Variants in ICAM4 observed in about 807,000 individuals in gnomAD.
ICAM4 encodes intercellular adhesion molecule 4 (Landsteiner-Wiener blood group).
A neutral mutation model predicts 18.8 loss-of-function variants in ICAM4; 16 were observed. The observed-to-expected ratio is 0.85, with a 90% CI of 0.58 to 1.29. ICAM4 has a LOEUF of 1.29. Ranked by LOEUF, ICAM4 falls within the 50% of genes most tolerant of loss-of-function variation. The pLI is 0.00. For missense variants in ICAM4, 338 were observed against 364.3 expected (o/e 0.93, Z 0.59); for synonymous variants, 163 against 163.2 (o/e 1.00, Z 0.01).
Position 10,287,487 on chromosome 19 carries a change from C to A in ICAM4, c.395-49C>A. The A allele has an allele frequency of 6.3e-7, 1 of 1,598,728 alleles. No individual in the cohort carries two copies. Among genetic ancestry groups the A allele is most frequent in the South Asian group, 1.1e-5 (1 of 88,880 alleles). On this transcript the variant is annotated intron_variant, in intron 1 of 2. Transcript: ENST00000380770. The surrounding 1 kb of genome is among the most constrained non-coding windows in gnomAD (Gnocchi z 8.7). ...GGGGGAAGGGTAGTTGACAGTCGCT[C>A]TATAGGGAGCGCCCGCGGACCTCAC...
rs1446804599 is a variant in ICAM4, at chr19:10,287,162, G to T, written c.150G>T (p.Val50=). ...CCGGGACCTCAGTGCCCTTCTGGGTGCGCATGAGCCCGGAGTTCGTGGCTG... is the reference window on the plus strand; with the variant it reads ...CCGGGACCTCAGTGCCCTTCTGGGTTCGCATGAGCCCGGAGTTCGTGGCTG... ...APSGTSVPFW[V]RMSPEFVAVQ... The change falls in exon 1 of 3, where the codon GTG becomes GTT. Residue 50 remains valine, a synonymous_variant. Transcript: ENST00000380770. This position sits in a 1 kb window ranked among gnomAD's most constrained non-coding sequence, Gnocchi z 8.7. 1 of 1,611,456 alleles carries T rather than the reference G, an allele frequency of 6.2e-7. No individual in the cohort carries two copies. The highest frequency in any genetic ancestry group is 1.7e-5 in the Admixed American group (1 of 59,870).
In ICAM4 at chr19:10,288,072, T is replaced by A; in HGVS notation, c.784T>A (p.Cys262Ser). 6.2e-7 allele frequency: 1 copy of A among 1,614,138 alleles called. No individual in the cohort carries two copies. The highest frequency in any genetic ancestry group is 8.5e-7 in the Non-Finnish European group (1 of 1,180,002). The change falls in exon 3 of 3, where the codon TGC (cysteine) becomes AGC (serine). Residue 262 changes from cysteine to serine, a missense_variant. Transcript: ENST00000380770. ...ILLTVGAAYLCKCLAMKSQA is the reference protein window; with the variant it reads ...ILLTVGAAYLSKCLAMKSQA Reference sequence around the variant, plus strand: ...CCTCACTGTGGGCGCTGCGTACCTATGCAAGTGCCTAGCTATGAAGTCCCA... The same window carrying A: ...CCTCACTGTGGGCGCTGCGTACCTAAGCAAGTGCCTAGCTATGAAGTCCCA...
Position 10,286,977 on chromosome 19 carries a change from C to T in ICAM4, c.-36C>T. 2 of 1,476,396 alleles carry T rather than the reference C, an allele frequency of 1.4e-6. No homozygotes were observed. Among genetic ancestry groups the T allele is most frequent in the Non-Finnish European group, 1.8e-6 (2 of 1,120,420 alleles). 91.5% of individuals were successfully genotyped at this position (1,476,396 alleles called of 1,614,324 possible). A position where few individuals can be genotyped will look rare whatever the true frequency, so the allele number is the denominator to read the frequency against. On this transcript the variant is annotated 5_prime_UTR_variant, in exon 1 of 3. Coordinates refer to ENST00000380770, the MANE Select transcript of ICAM4 (RefSeq NM_001544.5). ...CTTATCTCTAGAGCCGGCCCTGGCT[C>T]TCTGGCGCGGGGCCCCTTAGTCCGG...
Position 10,287,263 on chromosome 19 carries a change from C to T in ICAM4, c.251C>T (p.Pro84Leu), listed in dbSNP as rs773634559. 2.5e-6 allele frequency: 4 copies of T among 1,613,672 alleles called. No individual in the cohort carries two copies. Among genetic ancestry groups the T allele is most frequent in the Non-Finnish European group, 3.4e-6 (4 of 1,180,008 alleles). Residue 84 changes from proline (P) to leucine (L), a missense_variant, in exon 1 of 3, where the codon CCG (proline) becomes CTG (leucine). Pro to Leu is a moderately conservative substitution (Grantham distance 98, BLOSUM62 -3). Transcript: ENST00000380770. The surrounding 1 kb of genome is among the most constrained non-coding windows in gnomAD (Gnocchi z 8.7). Reference protein sequence around the residue: ...PQPQNSSLRTPLRQGKTLRGP... With the variant: ...PQPQNSSLRTLLRQGKTLRGP... ...CCGCAGAATTCCAGCCTCCGCACCC[C>T]GCTGCGGCAAGGCAAGACGCTCAGA...
Position 10,287,516 on chromosome 19 carries a change from G to A in ICAM4, c.395-20G>A. 1.2e-6 allele frequency: 2 copies of A among 1,607,712 alleles called. No individual in the cohort carries two copies. Among genetic ancestry groups the A allele is most frequent in the South Asian group, 1.1e-5 (1 of 90,804 alleles). On this transcript the variant is annotated intron_variant, in intron 1 of 2. Coordinates refer to ENST00000380770, the MANE Select transcript of ICAM4 (RefSeq NM_001544.5). The surrounding 1 kb of genome is among the most constrained non-coding windows in gnomAD (Gnocchi z 8.7). ...AGGGAGCGCCCGCGGACCTCACTCA[G>A]AGGCTCCCCCTTGCCTTAGAACCGC...
rs746661996 is a variant in ICAM4, at chr19:10,287,377, G to A, written c.365G>A (p.Arg122His). The change falls in exon 1 of 3, where the codon CGC (arginine) becomes CAC (histidine). Residue 122 changes from arginine (R) to histidine (H), a missense_variant. By Grantham distance (29) the Arg-to-His change is conservative (BLOSUM62 0). Transcript: ENST00000380770. The surrounding 1 kb of genome is among the most constrained non-coding windows in gnomAD (Gnocchi z 8.7). ...CTCGTGACCTGCGCAGGAAAAACAC[G>A]CTGGGCCACCTCCAGGATCACCGCC... ...HCLVTCAGKT[R>H]WATSRITAYK... The A allele has an allele frequency of 6.2e-7, 1 of 1,608,022 alleles. No homozygotes were observed. The highest frequency in any genetic ancestry group is 8.5e-7 in the Non-Finnish European group (1 of 1,177,410).
Position 10,287,997 on chromosome 19 carries a change from G to A in ICAM4, c.709G>A (p.Ala237Thr), listed in dbSNP as rs750159706. The A allele has an allele frequency of 5.0e-6, 8 of 1,614,020 alleles. No homozygotes were observed. The East Asian group carries it at 1.3e-4, about 27-fold the overall frequency. Residue 237 changes from alanine (A) to threonine (T), a missense_variant, in exon 3 of 3, where the codon GCG becomes ACG. Physicochemically the swap from Ala to Thr is moderately conservative, Grantham distance 58 (BLOSUM62 0). Coordinates refer to ENST00000380770, the MANE Select transcript of ICAM4 (RefSeq NM_001544.5). This position sits in a 1 kb window ranked among gnomAD's most constrained non-coding sequence, Gnocchi z 8.7. ...PITLMLAWSP[A>T]PTALASGSIA... is the part of the protein sequence containing the mutation. ...CCTTCTGCTCCCAGCTTGGAGCCCCGCGCCCACAGCTTTGGCCTCCGGTTC... is the reference window on the plus strand; with the variant it reads ...CCTTCTGCTCCCAGCTTGGAGCCCCACGCCCACAGCTTTGGCCTCCGGTTC...
Position 10,287,392 on chromosome 19 carries a change from G to T in ICAM4, c.380G>T (p.Arg127Met). The change falls in exon 1 of 3, where the codon AGG becomes ATG. Residue 127 changes from arginine (R) to methionine (M), a missense_variant. Transcript: ENST00000380770. The surrounding 1 kb of genome is among the most constrained non-coding windows in gnomAD (Gnocchi z 8.7). ...CAGKTRWATS[R>M]ITAYKPPHSV... Reference sequence around the variant, plus strand: ...GGAAAAACACGCTGGGCCACCTCCAGGATCACCGCCTACAGTGAGGGACAG... The same window carrying T: ...GGAAAAACACGCTGGGCCACCTCCATGATCACCGCCTACAGTGAGGGACAG... 1 of 1,605,080 alleles carries T rather than the reference G, an allele frequency of 6.2e-7. No homozygotes were observed.
In ICAM4 at chr19:10,287,428, C is replaced by T. The variant is rs751121948; in HGVS notation, c.394+22C>T. The T allele has an allele frequency of 3.8e-6, 6 of 1,592,046 alleles. No homozygotes were observed. The highest frequency in any genetic ancestry group is 5.1e-6 in the Non-Finnish European group (6 of 1,168,134). On this transcript the variant is annotated intron_variant, in intron 1 of 2. Coordinates refer to ENST00000380770, the MANE Select transcript of ICAM4 (RefSeq NM_001544.5). This position sits in a 1 kb window ranked among gnomAD's most constrained non-coding sequence, Gnocchi z 8.7. ...TACAGTGAGGGACAGGGGCTCGGTC[C>T]CGGCTGGGGTGAGGGGAGGGGGCTG...
rs1384659791 is a variant in ICAM4 at position 10,288,125 on chromosome 19, C to T, written c.*21C>T. 2 of 1,614,112 alleles carry T rather than the reference C, an allele frequency of 1.2e-6. No homozygotes were observed. Among genetic ancestry groups the T allele is most frequent in the South Asian group, 2.2e-5 (2 of 91,086 alleles). On this transcript the variant is annotated 3_prime_UTR_variant, in exon 3 of 3. Coordinates refer to ENST00000380770, the MANE Select transcript of ICAM4 (RefSeq NM_001544.5). The stretch of plus-strand genomic sequence containing the variant: ...CGTAAAGGGGGATGTTCTATGCCGG[C>T]TGAGCGAGAAAAAGAGGAATATGAA...
chr19:10,286,990 C>A lies in ICAM4; in HGVS notation c.-23C>A. Reference sequence around the variant, plus strand: ...CCGGCCCTGGCTCTCTGGCGCGGGGCCCCTTAGTCCGGGCTTTTTGCCATG... The same window carrying A: ...CCGGCCCTGGCTCTCTGGCGCGGGGACCCTTAGTCCGGGCTTTTTGCCATG... On this transcript the variant is annotated 5_prime_UTR_variant, in exon 1 of 3. Transcript: ENST00000380770. 2 of 1,484,258 alleles carry A rather than the reference C, an allele frequency of 1.3e-6. No individual in the cohort carries two copies. Among genetic ancestry groups the A allele is most frequent in the South Asian group, 2.7e-5 (2 of 72,854 alleles). The allele number at this position is 1,484,258 out of a possible 1,614,324, so 91.9% of individuals were successfully genotyped here.
rs746751618 is a variant in ICAM4 at position 10,287,021 on chromosome 19, T to A, written c.9T>A (p.Ser3=). 6.5e-7 allele frequency: 1 copy of A among 1,532,098 alleles called. No individual in the cohort carries two copies. The highest frequency in any genetic ancestry group is 1.4e-5 in the African/African-American group (1 of 72,846). The allele number at this position is 1,532,098 out of a possible 1,614,324, so 94.9% of individuals were successfully genotyped here. A position where few individuals can be genotyped will look rare whatever the true frequency, so the allele number is the denominator to read the frequency against. The change falls in exon 1 of 3, where the codon TCT becomes TCA. Residue 3 remains serine (S), a synonymous_variant. Transcript: ENST00000380770. The surrounding 1 kb of genome is among the most constrained non-coding windows in gnomAD (Gnocchi z 8.7). The part of the protein sequence containing the change: MG[S]LFPLSLLFFL... ...AGTCCGGGCTTTTTGCCATGGGGTC[T>A]CTGTTCCCTCTGTCGCTGCTGTTTT...
rs1221247277 is a variant in ICAM4, at chr19:10,287,281, C to T, written c.269C>T (p.Thr90Met). The change falls in exon 1 of 3, where the codon ACG becomes ATG. Residue 90 changes from threonine to methionine, a missense_variant. Transcript: ENST00000380770. The surrounding 1 kb of genome is among the most constrained non-coding windows in gnomAD (Gnocchi z 8.7). ...SLRTPLRQGK[T>M]LRGPGWVSYQ... ...CGCACCCCGCTGCGGCAAGGCAAGA[C>T]GCTCAGAGGGCCGGGTTGGGTGTCT... is the stretch of plus-strand genomic sequence containing the variant. The T allele has an allele frequency of 3.1e-6, 5 of 1,613,782 alleles. No homozygotes were observed. Among genetic ancestry groups the T allele is most frequent in the Non-Finnish European group, 4.2e-6 (5 of 1,180,030 alleles).
At position 10,288,469 on chromosome 19, in the gene ICAM4, A is replaced by T. The variant is rs1004185068; in HGVS notation, c.*365A>T. ...TCTCCAAAAATAAAATAAAAATAAA[A>T]ATAAATATTGGCGGGGGAACCCTCT... is the stretch of plus-strand genomic sequence containing the variant. On this transcript the variant is annotated 3_prime_UTR_variant, in exon 3 of 3. Transcript: ENST00000380770. 1.6e-5 allele frequency: 6 copies of T among 368,382 alleles called. 1 individual carries two copies. In the Admixed American group the frequency reaches 2.5e-4, roughly 15 times the overall value. 22.8% of individuals were successfully genotyped at this position (368,382 alleles called of 1,614,324 possible).
chr19:10,288,084 G>A lies in ICAM4; in HGVS notation c.796G>A (p.Ala266Thr). 6.2e-7 allele frequency: 1 copy of A among 1,614,188 alleles called. No homozygotes were observed. The highest frequency in any genetic ancestry group is 1.1e-5 in the South Asian group (1 of 91,082). Residue 266 changes from alanine (A) to threonine (T), a missense_variant, in exon 3 of 3, where the codon GCT becomes ACT. By Grantham distance (58) the Ala-to-Thr change is moderately conservative. Coordinates refer to ENST00000380770, the MANE Select transcript of ICAM4 (RefSeq NM_001544.5). ...VGAAYLCKCL[A>T]MKSQA is the part of the protein sequence containing the mutation. ...CGCTGCGTACCTATGCAAGTGCCTA[G>A]CTATGAAGTCCCAGGCGTAAAGGGG...
At position 10,287,552 on chromosome 19, in the gene ICAM4, G is replaced by C; in HGVS notation, c.411G>C (p.Val137=). ...RITAYKPPHS[V]ILEPPVLKGR... is the part of the protein sequence containing the mutation. ...TTGCCTTAGAACCGCCCCACAGCGT[G>C]ATTTTGGAGCCTCCGGTCTTAAAGG... Residue 137 remains valine, a synonymous_variant, in exon 2 of 3, where the codon GTG becomes GTC. Coordinates refer to ENST00000380770, the MANE Select transcript of ICAM4 (RefSeq NM_001544.5). This position sits in a 1 kb window ranked among gnomAD's most constrained non-coding sequence, Gnocchi z 8.7. 2 of 1,613,574 alleles carry C rather than the reference G, an allele frequency of 1.2e-6. No homozygotes were observed. Among genetic ancestry groups the C allele is most frequent in the Non-Finnish European group, 1.7e-6 (2 of 1,179,592 alleles).
rs2040122370 is a variant in ICAM4 at position 10,287,363 on chromosome 19, C to G, written c.351C>G (p.Cys117Trp). The change falls in exon 1 of 3, where the codon TGC becomes TGG. Residue 117 changes from cysteine (C) to tryptophan (W), a missense_variant. Coordinates refer to ENST00000380770, the MANE Select transcript of ICAM4 (RefSeq NM_001544.5). The surrounding 1 kb of genome is among the most constrained non-coding windows in gnomAD (Gnocchi z 8.7). ...CCCTCGCGCACTGCCTCGTGACCTG[C>G]GCAGGAAAAACACGCTGGGCCACCT... ...WSSLAHCLVT[C>W]AGKTRWATSR... 6.2e-7 allele frequency: 1 copy of G among 1,610,142 alleles called. No individual in the cohort carries two copies. Among genetic ancestry groups the G allele is most frequent in the South Asian group, 1.1e-5 (1 of 90,662 alleles).
chr19:10,287,153 C>T lies in ICAM4; in HGVS notation c.141C>T (p.Pro47=). The T allele has an allele frequency of 3.1e-6, 5 of 1,611,174 alleles. No homozygotes were observed. Among genetic ancestry groups the T allele is most frequent in the Non-Finnish European group, 4.2e-6 (5 of 1,178,550 alleles). The change falls in exon 1 of 3, where the codon CCC becomes CCT. Residue 47 remains proline, a synonymous_variant. Coordinates refer to ENST00000380770, the MANE Select transcript of ICAM4 (RefSeq NM_001544.5). This position sits in a 1 kb window ranked among gnomAD's most constrained non-coding sequence, Gnocchi z 8.7. ...SPLAPSGTSV[P]FWVRMSPEFV... is the part of the protein sequence containing the mutation. ...TCGCGCCCTCCGGGACCTCAGTGCCCTTCTGGGTGCGCATGAGCCCGGAGT... is the reference window on the plus strand; with the variant it reads ...TCGCGCCCTCCGGGACCTCAGTGCCTTTCTGGGTGCGCATGAGCCCGGAGT...
In ICAM4 at chr19:10,287,931, G is replaced by A; in HGVS notation, c.698-55G>A. ...CGCACAGACCAAGCGTGAGCTCCAC[G>A]CGGGTCGACAGACCTCCCTGTGTTC... is the stretch of plus-strand genomic sequence containing the variant. On this transcript the variant is annotated intron_variant, in intron 2 of 2. Coordinates refer to ENST00000380770, the MANE Select transcript of ICAM4 (RefSeq NM_001544.5). The surrounding 1 kb of genome is among the most constrained non-coding windows in gnomAD (Gnocchi z 8.7). 2 of 1,611,284 alleles carry A rather than the reference G, an allele frequency of 1.2e-6. No individual in the cohort carries two copies.
Sources: gnomAD v4.1 joint callset for allele counts on GRCh38, gnomAD v4.1.1 for gene constraint, Gnocchi (gnomAD v3.1) non-coding constraint, MANE v1.5 for transcripts, NCBI Gene and HGNC (gene_info 2026-07-23, HGNC 2026-07-21) for gene names.